The following CACNA1C variants were observed in gnomAD, a reference collection of about 807,000 sequenced individuals.
CACNA1C encodes voltage-dependent L-type calcium channel subunit alpha-1C.
Under a neutral mutation model 229.0 loss-of-function variants are expected in CACNA1C, and 30 were observed. That is an observed-to-expected ratio of 0.13 (90% CI 0.10 to 0.18). The LOEUF is 0.18. CACNA1C is among the 10% of genes least tolerant of loss of function. The pLI, the probability that CACNA1C is intolerant of heterozygous loss-of-function variation, is 1.00. For missense variants in CACNA1C, 1,658 were observed against 2,845.0 expected, an observed-to-expected ratio of 0.58 and a Z score of 9.49; for synonymous variants, 1,114 against 1,132.5, an observed-to-expected ratio of 0.98 and a Z score of 0.33.
At chr12:2,372,041 T>C (rs1451939481) in intron 3 of CACNA1C, among the ~76,000 whole-genome samples, 2 of 152,160 alleles carry the variant, frequency 1.3e-5, no homozygotes, top group African/African-American at 4.8e-5. Context: ...TTGGGTTTTG[T>C]TTTGTTGGTT....
chr12:2,273,946 C>T (rs1011161503), intron 3 of CACNA1C, among the ~76,000 whole-genome samples: 4 of 152,186 alleles, frequency 2.6e-5, no homozygotes, highest in African/African-American at 9.7e-5. Context: ...ACCGACTGTC[C>T]ATGCAAGGGG....
chr12:2,041,500 TCTC>T (rs1164194048), intron 1 of CACNA1C, among the ~76,000 whole-genome samples: 1 of 151,970 alleles, frequency 6.6e-6, no homozygotes, highest in Non-Finnish European at 1.5e-5. Flanking sequence ...ATGGTCTCGA[TCTC>T]CTGACCTCGT....
intron 3 of CACNA1C, among the ~76,000 whole-genome samples, chr12:2,206,026 T>G (rs1257546380): frequency 6.6e-6 from 1 of 152,026 alleles, no homozygotes; most frequent in Non-Finnish European, 1.5e-5. Flanking sequence ...GCATAGGAAT[T>G]TGGGGGGACA....
At chr12:2,571,325 T>C (rs1011380868) in intron 13 of CACNA1C, among the ~76,000 whole-genome samples, 4 of 152,172 alleles carry the variant, frequency 2.6e-5, no homozygotes, top group African/African-American at 7.2e-5. Context: ...GAGACAGGAC[T>C]TAAAAGATCT....
chr12:2,165,056 A>T (rs370312391), intron 3 of CACNA1C, among the ~76,000 whole-genome samples: 1 of 152,242 alleles, frequency 6.6e-6, no homozygotes, highest in African/African-American at 2.4e-5. Context: ...TAATAAGAAC[A>T]CTAGCAGTAC....
At chr12:2,343,437 C>T (rs935480905) in intron 3 of CACNA1C, among the ~76,000 whole-genome samples, 12 of 152,086 alleles carry the variant, frequency 7.9e-5, no homozygotes, top group Non-Finnish European at 1.2e-4. Context: ...AGAACAAAAC[C>T]AAACACAAGA....
At position 2,181,894 on chromosome 12, in the gene CACNA1C, G is replaced by T. The variant is rs74443591; in HGVS notation, c.477+61464G>T. Among the ~76,000 whole-genome samples, 2 of 152,106 alleles carry T rather than the reference G, an allele frequency of 1.3e-5. No homozygotes were observed. Among genetic ancestry groups the T allele is most frequent in the Non-Finnish European group, 2.9e-5 (2 of 68,004 alleles). On this transcript the variant is annotated intron_variant, in intron 3 of 46. Transcript: ENST00000399655. This position sits in a 1 kb window ranked among gnomAD's most constrained non-coding sequence, Gnocchi z 4.0. Reference sequence around the variant, plus strand: ...ATGCAGGCAAGATGTGTGTTAAGGGGGTCCTGCAGAGTGGGGGTAAACTGA... The same window carrying T: ...ATGCAGGCAAGATGTGTGTTAAGGGTGTCCTGCAGAGTGGGGGTAAACTGA...
intron 9 of CACNA1C, among the ~76,000 whole-genome samples, chr12:2,540,288 G>A (rs185609404): frequency 1.3e-3 from 196 of 152,112 alleles, no homozygotes; most frequent in Non-Finnish European, 2.1e-3. Flanking sequence ...GATATGAAGT[G>A]TTATTCTAGG....
intron 1 of CACNA1C, among the ~76,000 whole-genome samples, chr12:1,999,632 G>A (rs1197074157): frequency 6.6e-6 from 1 of 152,140 alleles, no homozygotes; most frequent in Non-Finnish European, 1.5e-5. Flanking sequence ...AGGCTGAGGA[G>A]GGAGGATTGC....
At chr12:2,006,757 C>T (rs189457684) in intron 1 of CACNA1C, among the ~76,000 whole-genome samples, 5 of 152,322 alleles carry the variant, frequency 3.3e-5, no homozygotes, top group Admixed American at 2.6e-4. Flanking sequence ...GGCTTTCAAA[C>T]AACTTTTTTT....
intron 9 of CACNA1C, among the ~76,000 whole-genome samples, chr12:2,524,318 T>G (rs748063950): frequency 1.3e-5 from 2 of 152,138 alleles, no homozygotes; most frequent in Non-Finnish European, 2.9e-5. Flanking sequence ...GTCTCTGTCC[T>G]AAGGGGAATT....
In CACNA1C at chr12:2,647,971, T is replaced by C. The variant is rs1001252884; in HGVS notation, c.3913-504T>C. On this transcript the variant is annotated intron_variant, in intron 30 of 46. Coordinates refer to ENST00000399655, the MANE Select transcript of CACNA1C (RefSeq NM_000719.7). This position sits in a 1 kb window ranked among gnomAD's most constrained non-coding sequence, Gnocchi z 4.2. The stretch of plus-strand genomic sequence containing the variant: ...AGTGAGACCCTGTCTCTAAAAAAAT[T>C]AAAATAAAAAATTTAAATTAGCCGG... 2.6e-5 allele frequency among the ~76,000 whole-genome samples: 4 copies of C among 151,530 alleles called. No homozygotes were observed. Among genetic ancestry groups the C allele is most frequent in the African/African-American group, 9.7e-5 (4 of 41,074 alleles).
intron 38 of CACNA1C, among the ~76,000 whole-genome samples, chr12:2,673,458 T>C (rs965028839): frequency 7.3e-6 from 1 of 136,254 alleles, no homozygotes; most frequent in African/African-American, 3.0e-5. Context: ...AAGAGCAAAC[T>C]TCCGTCTAAA....
At chr12:2,392,773 T>G (rs2098507744) in intron 3 of CACNA1C, among the ~76,000 whole-genome samples, 1 of 152,120 alleles carries the variant, frequency 6.6e-6, no homozygotes, top group Non-Finnish European at 1.5e-5. Context: ...CCTGTGGCCT[T>G]TACCTGGGGG....
At chr12:2,537,664 C>G (rs1437259744) in intron 9 of CACNA1C, among the ~76,000 whole-genome samples, 1 of 152,220 alleles carries the variant, frequency 6.6e-6, no homozygotes, top group African/African-American at 2.4e-5. Flanking sequence ...AAGGACACCA[C>G]TAATGTCCTT....
intron 3 of CACNA1C, among the ~76,000 whole-genome samples, chr12:2,192,612 T>A (rs1423176138): frequency 6.6e-6 from 1 of 152,250 alleles, no homozygotes; most frequent in Non-Finnish European, 1.5e-5. Flanking sequence ...TAAAGTTAAT[T>A]TTCCCTTATG....
Position 2,486,138 on chromosome 12 carries a change from C to A in CACNA1C, c.792C>A (p.Ala264=), listed in dbSNP as rs750459136. The A allele has an allele frequency of 1.4e-5, 22 of 1,611,486 alleles. No individual in the cohort carries two copies. The highest frequency in any genetic ancestry group is 1.7e-4 in the Middle Eastern group (1 of 6,060). ...LQVVLNSIIK[A]MVPLLHIALL... is the part of the protein sequence containing the mutation. Reference sequence around the variant, plus strand: ...TGGTCCTGAATTCCATCATCAAGGCCATGGTCCCCCTGCTGCACATCGCCC... The same window carrying A: ...TGGTCCTGAATTCCATCATCAAGGCAATGGTCCCCCTGCTGCACATCGCCC... The change falls in exon 6 of 47, where the codon GCC becomes GCA. Residue 264 remains alanine, a synonymous_variant. Transcript: ENST00000399655. The surrounding 1 kb of genome is among the most constrained non-coding windows in gnomAD (Gnocchi z 4.9).
intron 34 of CACNA1C, among the ~76,000 whole-genome samples, chr12:2,662,059 C>A (rs546694777): frequency 3.3e-5 from 5 of 151,936 alleles, no homozygotes; most frequent in East Asian, 3.9e-4. Context: ...TGGCTAACAC[C>A]GTGAAACCCC....
intron 42 of CACNA1C, chr12:2,681,950 G>A: frequency 1.3e-6 from 2 of 1,585,534 alleles, no homozygotes; most frequent in South Asian, 1.1e-5. Context: ...GTCCCAGCAG[G>A]GAAAGGCACG....
Sources: gnomAD v4.1 joint callset for allele counts (sites outside exome capture counted in the v4.1 genomes callset) on GRCh38, gnomAD v4.1.1 for gene constraint, Gnocchi (gnomAD v3.1) non-coding constraint, MANE v1.5 for transcripts, NCBI Gene and HGNC (gene_info 2026-07-23, HGNC 2026-07-21) for gene names.